The following MCTP2 variants were observed in gnomAD, a reference collection of about 807,000 sequenced individuals.
MCTP2 encodes multiple C2 and transmembrane domain containing 2.
A neutral mutation model predicts 111.6 loss-of-function variants in MCTP2; 132 were observed. That is an observed-to-expected ratio of 1.18 (90% CI 1.03 to 1.37). The LOEUF is 1.37. Ranked by LOEUF, MCTP2 falls within the 40% of genes most tolerant of loss-of-function variation. The pLI, the probability that MCTP2 is intolerant of heterozygous loss-of-function variation, is 0.00. For missense variants in MCTP2, 1,183 were observed against 1,067.9 expected (o/e 1.11, Z -1.50); for synonymous variants, 395 against 387.7 (o/e 1.02, Z -0.22).
At chr15:94,338,594 T>G (rs2077482144) in intron 4 of MCTP2, among the ~76,000 whole-genome samples, 1 of 151,818 alleles carries the variant, frequency 6.6e-6, no homozygotes, top group Non-Finnish European at 1.5e-5. Flanking sequence ...GGGACATTAT[T>G]CATTTCTTTT....
chr15:94,324,274 C>T (rs1017982772), intron 4 of MCTP2, among the ~76,000 whole-genome samples: 2 of 152,176 alleles, frequency 1.3e-5, no homozygotes, highest in Non-Finnish European at 2.9e-5. Flanking sequence ...CAGCTCATAC[C>T]CTGTTGGCTC....
intron 1 of MCTP2, among the ~76,000 whole-genome samples, chr15:94,243,827 A>ACATATG (rs1162826614): frequency 1.4e-5 from 2 of 145,140 alleles, no homozygotes; most frequent in East Asian, 2.0e-4. Context: ...GTATACACAT[A>ACATATG]TGTATATATT....
intron 20 of MCTP2, among the ~76,000 whole-genome samples, chr15:94,468,560 ATAATT>A (rs2073617917): frequency 6.6e-6 from 1 of 152,206 alleles, no homozygotes; most frequent in Admixed American, 6.5e-5. Context: ...AAATTTGCTT[ATAATT>A]TAAAGAATTG....
Position 94,401,885 on chromosome 15 carries a change from AT to A in MCTP2, c.1966-9del, listed in dbSNP as rs758606861. On this transcript the variant is annotated splice_polypyrimidine_tract_variant and intron_variant, in intron 16 of 22. Coordinates refer to ENST00000357742, the MANE Select transcript of MCTP2 (RefSeq NM_001385001.1). ...ATTTAAATCTAGTTTCCTGTTTGTCATTTTTTAAAATCAGATCTTATCAAGA... is the reference window on the plus strand; with the variant it reads ...ATTTAAATCTAGTTTCCTGTTTGTCATTTTTAAAATCAGATCTTATCAAGA... The A allele has an allele frequency of 1.3e-5, 20 of 1,595,682 alleles. 1 individual carries two copies. In the South Asian group the frequency reaches 1.8e-4, roughly 15 times the overall value.
At chr15:94,280,582 G>T (rs11637042) in intron 1 of MCTP2, among the ~76,000 whole-genome samples, 16,980 of 150,808 alleles carry the variant, frequency 0.11, 1,023 homozygotes, top group Non-Finnish European at 0.15. Flanking sequence ...ATGGGTTTTT[G>T]TGTCTCAATT....
chr15:94,455,934 C>G (rs2084807795), intron 19 of MCTP2, among the ~76,000 whole-genome samples: 1 of 152,126 alleles, frequency 6.6e-6, no homozygotes, highest in African/African-American at 2.4e-5. Context: ...ATATATATCA[C>G]AAATAATCAT....
At chr15:94,334,819 A>G (rs780184395) in intron 4 of MCTP2, among the ~76,000 whole-genome samples, 17 of 152,108 alleles carry the variant, frequency 1.1e-4, no homozygotes, top group Non-Finnish European at 1.9e-4. Context: ...AAGTGCTGAG[A>G]TTACAGGCGT....
chr15:94,472,840 T>C (rs1456211190), intron 21 of MCTP2, among the ~76,000 whole-genome samples: 1 of 152,232 alleles, frequency 6.6e-6, no homozygotes, highest in Non-Finnish European at 1.5e-5. Context: ...ACAAATTAGT[T>C]ACTAGCTAGC....
chr15:94,473,808 G>C, intron 21 of MCTP2, among the ~76,000 whole-genome samples: 1 of 152,302 alleles, frequency 6.6e-6, no homozygotes, highest in Admixed American at 6.5e-5. Flanking sequence ...ACCCCAACCA[G>C]TGTATTACAG....
At chr15:94,245,454 A>T (rs2071845298) in intron 1 of MCTP2, among the ~76,000 whole-genome samples, 1 of 139,436 alleles carries the variant, frequency 7.2e-6, no homozygotes, top group Non-Finnish European at 1.5e-5. Flanking sequence ...ATATATGTAT[A>T]TGTATTTATA....
rs1355766667 is a variant in MCTP2, at chr15:94,480,299, C to G, written c.*1265C>G. ...TAAAAAAAGTTAAGGTTAAAAAGAT[C>G]TCATTTAATAGTGAGTTCACTATTT... On this transcript the variant is annotated 3_prime_UTR_variant, in exon 23 of 23. Transcript: ENST00000357742. 6.6e-6 allele frequency: 1 copy of G among 150,556 alleles called. No individual in the cohort carries two copies. The highest frequency in any genetic ancestry group is 1.5e-5 in the Non-Finnish European group (1 of 67,814). The allele number at this position is 150,556 out of a possible 1,614,324, so 9.3% of individuals were successfully genotyped here.
At position 94,400,012 on chromosome 15, in the gene MCTP2, G is replaced by A. The variant is rs368695888; in HGVS notation, c.1965+17G>A. 1.3e-4 allele frequency: 215 copies of A among 1,612,748 alleles called. No individual in the cohort carries two copies. Among genetic ancestry groups the A allele is most frequent in the Admixed American group, 2.2e-4 (13 of 59,970 alleles). On this transcript the variant is annotated intron_variant, in intron 16 of 22. Transcript: ENST00000357742. Reference sequence around the variant, plus strand: ...TCCAAAAAGGTGGGTCGCTACAGTAGGTGGCTTGTTGATTGGTACACTCAG... The same window carrying A: ...TCCAAAAAGGTGGGTCGCTACAGTAAGTGGCTTGTTGATTGGTACACTCAG...
chr15:94,460,968 C>A (rs1235494667), intron 20 of MCTP2, among the ~76,000 whole-genome samples: 1 of 150,476 alleles, frequency 6.6e-6, no homozygotes, highest in Middle Eastern at 3.7e-3. Flanking sequence ...TGGCAACTGG[C>A]AAAAATACAG....
rs375739361 is a variant in MCTP2 at position 94,459,581 on chromosome 15, T to A, written c.2360+1335T>A. 2.0e-5 allele frequency among the ~76,000 whole-genome samples: 3 copies of A among 152,228 alleles called. No individual in the cohort carries two copies. The East Asian group carries it at 5.8e-4, about 29-fold the overall frequency. On this transcript the variant is annotated intron_variant, in intron 20 of 22. Coordinates refer to ENST00000357742, the MANE Select transcript of MCTP2 (RefSeq NM_001385001.1). ...AAATAATTTTTGCTCACAGATATGA[T>A]GCCTATTTGCTTTATTCTTGTAGGT...
intron 20 of MCTP2, among the ~76,000 whole-genome samples, chr15:94,464,109 C>G (rs1012192744): frequency 2.7e-5 from 4 of 149,874 alleles, no homozygotes; most frequent in Non-Finnish European, 5.9e-5. Context: ...TGTCTTTTTT[C>G]TGGAAAAGTT....
At chr15:94,356,336 C>G in intron 9 of MCTP2, 35 bp downstream of exon 9, 1 of 1,462,860 alleles carries the variant, frequency 6.8e-7, no homozygotes, top group Non-Finnish European at 9.1e-7. Context: ...AGAACAGTAT[C>G]TTTAAAATAA....
rs564082829 is a variant in MCTP2, at chr15:94,301,849, T to A, written c.465+3119T>A. On this transcript the variant is annotated intron_variant, in intron 2 of 22. Coordinates refer to ENST00000357742, the MANE Select transcript of MCTP2 (RefSeq NM_001385001.1). ...TCATTTCTGCTTTTTTTTTTTTTTT[T>A]AAACAAAGGGAATTCCTGCAGAATT... Among the ~76,000 whole-genome samples the A allele has an allele frequency of 8.0e-5, 12 of 150,896 alleles. No individual in the cohort carries two copies. In the South Asian group the frequency reaches 1.5e-3, roughly 18 times the overall value.
intron 12 of MCTP2, among the ~76,000 whole-genome samples, chr15:94,379,738 AATATATG>A (rs1483198744): frequency 2.1e-5 from 3 of 146,102 alleles, no homozygotes; most frequent in East Asian, 3.9e-4. Flanking sequence ...TGTGTAATAT[AATATATG>A]ATATATAATA....
intron 8 of MCTP2, among the ~76,000 whole-genome samples, chr15:94,350,187 G>A (rs2078227792): frequency 6.6e-6 from 1 of 152,246 alleles, no homozygotes; most frequent in African/African-American, 2.4e-5. Context: ...GGAGATGTAA[G>A]GAAGGGCAGG....
Sources: gnomAD v4.1 joint callset for allele counts (sites outside exome capture counted in the v4.1 genomes callset) on GRCh38, gnomAD v4.1.1 for gene constraint, MANE v1.5 for transcripts, NCBI Gene and HGNC (gene_info 2026-07-23, HGNC 2026-07-21) for gene names.